PFAS: variants seen among roughly 807,000 people sequenced by gnomAD.
PFAS encodes phosphoribosylformylglycinamidine synthase.
PFAS carries 97 observed loss-of-function variants against 140.6 expected under a neutral mutation model. That is an observed-to-expected ratio of 0.69 (90% CI 0.59 to 0.82). The LOEUF is 0.82. PFAS is among the 40% of genes least tolerant of loss of function. PFAS has a pLI of 0.00. For missense variants in PFAS, 1,656 were observed against 1,780.2 expected (o/e 0.93, Z 1.26); for synonymous variants, 679 against 718.8 (o/e 0.94, Z 0.88).
chr17:8,258,058 G>A lies in PFAS; in HGVS notation c.1208-13G>A, dbSNP rs372654585. On this transcript the variant is annotated splice_polypyrimidine_tract_variant and intron_variant, in intron 10 of 27. Coordinates refer to ENST00000314666, the MANE Select transcript of PFAS (RefSeq NM_012393.3). The stretch of plus-strand genomic sequence containing the variant: ...GAACTGAGTGACAGGTCCCTCTGAT[G>A]TTCACACTCCAGGCTTCGCCCGCTC... 8 of 1,613,996 alleles carry A rather than the reference G, an allele frequency of 5.0e-6. No homozygotes were observed. The African/African-American group carries it at 5.3e-5, about 11-fold the overall frequency.
chr17:8,254,080 G>T lies in PFAS; in HGVS notation c.142+1G>T, dbSNP rs1198338151. 1 of 1,613,912 alleles carries T rather than the reference G, an allele frequency of 6.2e-7. No individual in the cohort carries two copies. Among genetic ancestry groups the T allele is most frequent in the African/African-American group, 1.3e-5 (1 of 74,926 alleles). ...CTGTGCTACAACGTGAACTGGACAGGTTGGGCCCAGGTATTAGATTCTTGG... is the reference window on the plus strand; with the variant it reads ...CTGTGCTACAACGTGAACTGGACAGTTTGGGCCCAGGTATTAGATTCTTGG... On this transcript the variant is annotated splice_donor_variant, in intron 2 of 27. Coordinates refer to ENST00000314666, the MANE Select transcript of PFAS (RefSeq NM_012393.3). LOFTEE classifies it high-confidence loss of function.
chr17:8,257,722 T>C (rs1360644003), intron 9 of PFAS, 85 bp from the exon 10 acceptor site: 1 of 1,455,038 alleles, frequency 6.9e-7, no homozygotes. Flanking sequence ...CTTGGTGGCC[T>C]TGACTCTTCC....
chr17:8,264,441 C>A, intron 16 of PFAS, 29 bp from the exon 17 acceptor site: 1 of 1,613,092 alleles, frequency 6.2e-7, no homozygotes, highest in African/African-American at 1.3e-5. Flanking sequence ...CCCAGGTGTT[C>A]ACACTGCCTG....
Position 8,258,246 on chromosome 17 carries a change from G to A in PFAS, c.1336+47G>A, listed in dbSNP as rs9895234. ...CTGGATCCAGCCAGCTTTCTCCCCA[G>A]CACAGGATGGCTACAGGGAGGGAAC... is the stretch of plus-strand genomic sequence containing the variant. On this transcript the variant is annotated intron_variant, in intron 11 of 27. Transcript: ENST00000314666. 3,939 of 1,606,100 alleles carry A rather than the reference G, an allele frequency of 2.5e-3. 91 individuals are homozygous for A. In the African/African-American group the frequency reaches 0.047, roughly 19 times the overall value.
At chr17:8,260,079 C>T (rs532239732) in intron 11 of PFAS, among the ~76,000 whole-genome samples, 9 of 149,480 alleles carry the variant, frequency 6.0e-5, no homozygotes, top group South Asian at 2.1e-4. Flanking sequence ...CCAGTCTGGA[C>T]GTAAGAGTGA....
chr17:8,265,560 A>C lies in PFAS; in HGVS notation c.2466A>C (p.Ser822=). 1 of 1,614,092 alleles carries C rather than the reference A, an allele frequency of 6.2e-7. No individual in the cohort carries two copies. The highest frequency in any genetic ancestry group is 8.5e-7 in the Non-Finnish European group (1 of 1,179,938). The change falls in exon 20 of 28, where the codon TCA becomes TCC. Residue 822 remains serine (S), a synonymous_variant. Coordinates refer to ENST00000314666, the MANE Select transcript of PFAS (RefSeq NM_012393.3). ...VGTETVRAPG[S]LVISAYAVCP... is the part of the protein sequence containing the mutation. The stretch of plus-strand genomic sequence containing the variant: ...GGACTCCTCCTTGCTCTACAGGGTC[A>C]CTGGTCATCTCAGCCTATGCCGTCT...
intron 11 of PFAS, among the ~76,000 whole-genome samples, chr17:8,260,091 ACT>A (rs1597422256): frequency 6.7e-6 from 1 of 149,480 alleles, no homozygotes; most frequent in Non-Finnish European, 1.5e-5. Flanking sequence ...TAAGAGTGAG[ACT>A]CTGTCTCAAA....
At chr17:8,261,439 G>A (rs911586748) in intron 11 of PFAS, among the ~76,000 whole-genome samples, 12 of 151,594 alleles carry the variant, frequency 7.9e-5, no homozygotes, top group East Asian at 1.9e-4. Context: ...GGGTTTCACC[G>A]TGTTGCCCAG....
chr17:8,267,789 C>T lies in PFAS; in HGVS notation c.3382+124C>T, dbSNP rs925321791. 6 of 485,186 alleles carry T rather than the reference C, an allele frequency of 1.2e-5. No individual in the cohort carries two copies. Among genetic ancestry groups the T allele is most frequent in the South Asian group, 4.4e-5 (1 of 22,624 alleles). The allele number at this position is 485,186 out of a possible 1,614,324, so 30.1% of individuals were successfully genotyped here. On this transcript the variant is annotated intron_variant, in intron 26 of 27. Coordinates refer to ENST00000314666, the MANE Select transcript of PFAS (RefSeq NM_012393.3). The surrounding 1 kb of genome is among the most constrained non-coding windows in gnomAD (Gnocchi z 4.9). ...CGAGCTACGAGAGAGTGGGCCCATT[C>T]GTTCTGGGCCACATGCCAACAGAAG...
intron 11 of PFAS, among the ~76,000 whole-genome samples, chr17:8,261,406 T>G (rs1416161678): frequency 1.3e-5 from 2 of 151,714 alleles, no homozygotes; most frequent in East Asian, 3.9e-4. Flanking sequence ...CTAGCTAATT[T>G]CTTTTGTATT....
intron 1 of PFAS, among the ~76,000 whole-genome samples, chr17:8,251,132 A>C (rs1989133655): frequency 6.6e-6 from 1 of 152,174 alleles, no homozygotes; most frequent in African/African-American, 2.4e-5. Flanking sequence ...CTAAAAATAC[A>C]AAAATTAGCT....
chr17:8,255,176 C>A, intron 4 of PFAS, 44 bp downstream of exon 4: 1 of 1,369,008 alleles, frequency 7.3e-7, no homozygotes, highest in Non-Finnish European at 1.0e-6. Flanking sequence ...GCCAGAGATA[C>A]AAGATTAGAT....
At chr17:8,257,169 G>A (rs1461247233) in intron 9 of PFAS, among the ~76,000 whole-genome samples, 4 of 152,186 alleles carry the variant, frequency 2.6e-5, no homozygotes, top group Admixed American at 1.3e-4. Context: ...GCAGGTCTAC[G>A]ATTTTCTTTA....
At chr17:8,262,498 T>C (rs1989631321) in intron 11 of PFAS, 1 of 175,676 alleles carries the variant, frequency 5.7e-6, no homozygotes, top group South Asian at 1.2e-4. Flanking sequence ...CCCAGTCAAG[T>C]GGTAAGGCTT....
In PFAS at chr17:8,269,039, G is replaced by C. The variant is rs1375668393; in HGVS notation, c.3792G>C (p.Gly1264=). The part of the protein sequence containing the change: ...LAPLHWADDD[G]NPTEQYPLNP... ...CACTGCACTGGGCTGATGATGACGG[G>C]AACCCCACAGAGCAGTACCCTCTGA... Residue 1264 remains glycine, a synonymous_variant, in exon 28 of 28, where the codon GGG becomes GGC. Transcript: ENST00000314666. 6.2e-7 allele frequency: 1 copy of C among 1,614,168 alleles called. No homozygotes were observed. Among genetic ancestry groups the C allele is most frequent in the Non-Finnish European group, 8.5e-7 (1 of 1,179,974 alleles).
At position 8,266,878 on chromosome 17, in the gene PFAS, G is replaced by A. The variant is rs1353853887; in HGVS notation, c.2947G>A (p.Glu983Lys). 26 of 1,605,560 alleles carry A rather than the reference G, an allele frequency of 1.6e-5. No homozygotes were observed. Among genetic ancestry groups the A allele is most frequent in the Non-Finnish European group, 2.0e-5 (23 of 1,178,556 alleles). The change falls in exon 23 of 28, where the codon GAG becomes AAG. Residue 983 changes from glutamate (E) to lysine (K), a missense_variant. By Grantham distance (56) the Glu-to-Lys change is moderately conservative. Transcript: ENST00000314666. The surrounding 1 kb of genome is among the most constrained non-coding windows in gnomAD (Gnocchi z 5.0). ...TTGCCTGGAGCTGGGCCACACAGGCGAGGCCGGGCCCCACGCCATGGTGAG... is the reference window on the plus strand; with the variant it reads ...TTGCCTGGAGCTGGGCCACACAGGCAAGGCCGGGCCCCACGCCATGGTGAG... The part of the protein sequence containing the change: ...LHCLELGHTG[E>K]AGPHAMVRVS...
intron 15 of PFAS, 125 bp from the exon 16 acceptor site, chr17:8,264,087 G>T: frequency 6.8e-7 from 1 of 1,462,234 alleles, no homozygotes; most frequent in South Asian, 1.1e-5. Context: ...TCCAAGGAGG[G>T]GCAGGGACTC....
In PFAS at chr17:8,256,975, T is replaced by G. The variant is rs917679888; in HGVS notation, c.1075+12T>G. The G allele has an allele frequency of 2.5e-6, 4 of 1,613,852 alleles. No homozygotes were observed. The African/African-American group carries it at 4.0e-5, about 16-fold the overall frequency. ...TCTGCATATTCCAGGTTCCATCTCC[T>G]TCCTCTCTATCCACCTTCCCTTCCA... On this transcript the variant is annotated intron_variant, in intron 9 of 27. Transcript: ENST00000314666.
rs1216331588 is a variant in PFAS, at chr17:8,267,977, A to G, written c.3382+312A>G. Among the ~76,000 whole-genome samples, 10 of 143,896 alleles carry G rather than the reference A, an allele frequency of 6.9e-5. No individual in the cohort carries two copies. The highest frequency in any genetic ancestry group is 6.4e-4 in the Admixed American group (9 of 14,116). 94.4% of individuals were successfully genotyped at this position (143,896 alleles called of 152,430 possible). A position where few individuals can be genotyped will look rare whatever the true frequency, so the allele number is the denominator to read the frequency against. The stretch of plus-strand genomic sequence containing the variant: ...ATTAAAATATATATTATTTATATAT[A>G]TTATTTATATATTATTAAAATATAT... On this transcript the variant is annotated intron_variant, in intron 26 of 27. Coordinates refer to ENST00000314666, the MANE Select transcript of PFAS (RefSeq NM_012393.3). This position sits in a 1 kb window ranked among gnomAD's most constrained non-coding sequence, Gnocchi z 4.9.
Sources: gnomAD v4.1 joint callset for allele counts (sites outside exome capture counted in the v4.1 genomes callset) on GRCh38, gnomAD v4.1.1 for gene constraint, Gnocchi (gnomAD v3.1) non-coding constraint, MANE v1.5 for transcripts, NCBI Gene and HGNC (gene_info 2026-07-23, HGNC 2026-07-21) for gene names.